UBL7: variants seen among roughly 807,000 people sequenced by gnomAD.
UBL7 encodes ubiquitin-like protein 7.
Under a neutral mutation model 41.7 loss-of-function variants are expected in UBL7, and 21 were observed. That is an observed-to-expected ratio of 0.50 (90% CI 0.36 to 0.73). The LOEUF (loss-of-function observed/expected upper bound fraction) is 0.73. Ranked by LOEUF, UBL7 falls within the 30% of genes least tolerant of loss-of-function variation. UBL7 has a pLI of 0.00. For synonymous variants in UBL7, 157 were observed against 186.9 expected, an observed-to-expected ratio of 0.84 and a Z score of 1.31; for missense variants, 403 against 478.4, an observed-to-expected ratio of 0.84 and a Z score of 1.47.
intron 4 of UBL7, 65 bp downstream of exon 4, chr15:74,452,231 C>T: frequency 6.6e-7 from 1 of 1,505,608 alleles, no homozygotes; most frequent in Non-Finnish European, 9.0e-7. Context: ...CACTCCACAC[C>T]ACTCGCCAGC....
Position 74,450,818 on chromosome 15 carries a change from G to T in UBL7, c.514C>A (p.Pro172Thr). 6.2e-7 allele frequency: 1 copy of T among 1,613,576 alleles called. No homozygotes were observed. The highest frequency in any genetic ancestry group is 8.5e-7 in the Non-Finnish European group (1 of 1,179,678). The change falls in exon 6 of 11, where the codon CCC becomes ACC. Residue 172 changes from proline to threonine, a missense_variant. By Grantham distance (38) the Pro-to-Thr change is conservative. Coordinates refer to ENST00000395081, the MANE Select transcript of UBL7 (RefSeq NM_032907.5). ...TACACTTACGTATCAAGCATATTGG[G>T]ATCAGCGAAGACAGAGAAGAGGTCC... Reference protein sequence around the residue: ...DKDLFSVFADPNMLDTLVPAH... With the variant: ...DKDLFSVFADTNMLDTLVPAH...
chr15:74,454,501 C>T (rs529166671), intron 3 of UBL7, among the ~76,000 whole-genome samples: 18 of 152,176 alleles, frequency 1.2e-4, no homozygotes, highest in South Asian at 2.1e-4. Flanking sequence ...TGGGTTCAAC[C>T]GATTCTCCTG....
intron 7 of UBL7, 115 bp downstream of exon 7, chr15:74,449,821 C>T (rs2061224251): frequency 1.4e-5 from 21 of 1,535,658 alleles, no homozygotes; most frequent in South Asian, 2.4e-5. Flanking sequence ...TGACTCAAAC[C>T]GAGAGTTCCC....
At chr15:74,456,359 G>A (rs539327069) in intron 3 of UBL7, among the ~76,000 whole-genome samples, 193 bp downstream of exon 3, 4 of 152,188 alleles carry the variant, frequency 2.6e-5, no homozygotes, top group East Asian at 3.9e-4. Flanking sequence ...TAGTGATGCC[G>A]GCAGTAAGAA....
At chr15:74,448,280 A>G (rs1330884261) in intron 10 of UBL7, among the ~76,000 whole-genome samples, 198 bp downstream of exon 10, 8 of 152,212 alleles carry the variant, frequency 5.3e-5, no homozygotes, top group Non-Finnish European at 1.0e-4. Context: ...TAGGGGCAGG[A>G]GAAGCCTAGT....
chr15:74,456,794 T>C, intron 2 of UBL7, 123 bp from the exon 3 acceptor site: 1 of 1,201,578 alleles, frequency 8.3e-7, no homozygotes, highest in Non-Finnish European at 1.2e-6. Flanking sequence ...GATACTCTTA[T>C]TCAATAACTT....
rs925287290 is a variant in UBL7, at chr15:74,448,935, T to C, written c.882+251A>G. On this transcript the variant is annotated intron_variant, in intron 9 of 10. Coordinates refer to ENST00000395081, the MANE Select transcript of UBL7 (RefSeq NM_032907.5). Reference sequence around the variant, plus strand: ...CCTGTCAGGGATGAGGAAGGGCATATTGTGTGCAGGAAGAGTCTTCTGAAC... The same window carrying C: ...CCTGTCAGGGATGAGGAAGGGCATACTGTGTGCAGGAAGAGTCTTCTGAAC... Among the ~76,000 whole-genome samples, 3 of 152,090 alleles carry C rather than the reference T, an allele frequency of 2.0e-5. No individual in the cohort carries two copies. The East Asian group carries it at 5.8e-4, about 29-fold the overall frequency.
At chr15:74,450,983 G>T in intron 5 of UBL7, 124 bp from the exon 6 acceptor site, 1 of 971,724 alleles carries the variant, frequency 1.0e-6, no homozygotes, top group Non-Finnish European at 1.6e-6. Context: ...ATCTTCATGA[G>T]AAGTAGAGGA....
intron 4 of UBL7, among the ~76,000 whole-genome samples, chr15:74,451,897 C>G (rs79494487): frequency 4.6e-5 from 7 of 152,252 alleles, no homozygotes; most frequent in African/African-American, 1.7e-4. Flanking sequence ...TTGTATATAT[C>G]GCTAAGTTCA....
intron 10 of UBL7, among the ~76,000 whole-genome samples, chr15:74,447,698 C>T (rs1330097215): frequency 6.6e-6 from 1 of 152,004 alleles, no homozygotes; most frequent in Admixed American, 6.6e-5. Flanking sequence ...CAGAGTGACA[C>T]CCTGTCTCAA....
chr15:74,460,523 C>T, intron 1 of UBL7: 1 of 432,632 alleles, frequency 2.3e-6, no homozygotes, highest in Non-Finnish European at 4.0e-6. Flanking sequence ...ATTCAATAAC[C>T]TCAGTCCCCT....
At chr15:74,453,860 C>T (rs1173736651) in intron 3 of UBL7, among the ~76,000 whole-genome samples, 1 of 152,224 alleles carries the variant, frequency 6.6e-6, no homozygotes, top group Admixed American at 6.5e-5. Context: ...AGTTTCTTTA[C>T]AGATCTAAAA....
At chr15:74,447,485 T>C (rs1163699460) in intron 10 of UBL7, among the ~76,000 whole-genome samples, 5 of 152,090 alleles carry the variant, frequency 3.3e-5, no homozygotes, top group Non-Finnish European at 5.9e-5. Context: ...GGTGAATCGC[T>C]TGAGCCCAAG....
intron 3 of UBL7, 46 bp from the exon 4 acceptor site, chr15:74,452,424 C>G: frequency 1.3e-6 from 2 of 1,535,428 alleles, no homozygotes; most frequent in South Asian, 2.4e-5. Flanking sequence ...CAGGTCCTGT[C>G]TCTGCCACAG....
At chr15:74,452,529 A>G in intron 3 of UBL7, 151 bp from the exon 4 acceptor site, 1 of 723,998 alleles carries the variant, frequency 1.4e-6, no homozygotes, top group African/African-American at 1.8e-5. Flanking sequence ...GCCTGCTCAG[A>G]AAAACCCATT....
chr15:74,459,370 G>A (rs61143329), intron 1 of UBL7, among the ~76,000 whole-genome samples: 3,513 of 149,690 alleles, frequency 0.023, 142 homozygotes, highest in African/African-American at 0.082. Flanking sequence ...GCGCGATCTC[G>A]GCTCACTGCA....
At chr15:74,459,714 C>T (rs971371877) in intron 1 of UBL7, among the ~76,000 whole-genome samples, 57 of 151,840 alleles carry the variant, frequency 3.8e-4, no homozygotes, top group Non-Finnish European at 7.2e-4. Context: ...GCCTGTAACC[C>T]TAGCACTTTG....
At chr15:74,450,220 ATCC>A in intron 6 of UBL7, 151 bp from the exon 7 acceptor site, 1 of 1,029,336 alleles carries the variant, frequency 9.7e-7, no homozygotes, top group Non-Finnish European at 1.4e-6. Context: ...AGGAAGCTTT[ATCC>A]TCCTGCTGAT....
intron 2 of UBL7, 58 bp downstream of exon 2, chr15:74,458,626 G>A (rs1596221658): frequency 6.8e-7 from 1 of 1,465,836 alleles, no homozygotes; most frequent in Non-Finnish European, 9.4e-7. Flanking sequence ...AATTCCAGAA[G>A]TATCCTCCCC....
Sources: allele counts gnomAD v4.1 joint callset (sites outside exome capture counted in the v4.1 genomes callset), GRCh38; gene constraint gnomAD v4.1.1; transcripts MANE v1.5; gene names NCBI Gene and HGNC (gene_info 2026-07-23, HGNC 2026-07-21).